PCDH9: variants seen among roughly 807,000 people sequenced by gnomAD.
PCDH9 encodes the protein protocadherin-9.
A neutral mutation model predicts 70.6 loss-of-function variants in PCDH9; 24 were observed. The ratio of observed to expected loss-of-function variants is 0.34; its 90% CI spans 0.25 to 0.48. The LOEUF (loss-of-function observed/expected upper bound fraction) is 0.48. PCDH9 is among the 20% of genes least tolerant of loss of function. The probability of loss-of-function intolerance (pLI) is 0.99; values close to 1 mark genes in which losing one functional copy is unlikely to be tolerated. For missense variants in PCDH9, 1,281 were observed against 1,503.6 expected (o/e 0.85, Z 2.45); for synonymous variants, 562 against 558.5 (o/e 1.01, Z -0.09).
chr13:66,469,174 G>A lies in PCDH9; in HGVS notation c.3340+162036C>T, dbSNP rs1356118205. Among the ~76,000 whole-genome samples the A allele has an allele frequency of 1.6e-4, 25 of 151,958 alleles. 1 individual carries two copies. Among genetic ancestry groups the A allele is most frequent in the Admixed American group, 9.2e-4 (14 of 15,238 alleles). On this transcript the variant is annotated intron_variant, in intron 4 of 4. Transcript: ENST00000377865. ...TTAAATCCAGCTAAAATTTTTCATC[G>A]TATTCCTTCAGAGCTGCTTATAAAT...
chr13:66,553,324 T>C (rs576603815), intron 4 of PCDH9, among the ~76,000 whole-genome samples: 6 of 152,184 alleles, frequency 3.9e-5, no homozygotes, highest in Non-Finnish European at 8.8e-5. Context: ...ACTTGTGGAA[T>C]GGATTATTGA....
intron 2 of PCDH9, among the ~76,000 whole-genome samples, chr13:67,168,953 A>G (rs1338712465): frequency 6.6e-6 from 1 of 152,220 alleles, no homozygotes; most frequent in Non-Finnish European, 1.5e-5. Flanking sequence ...ATGATTATGA[A>G]CAACCATTCC....
chr13:66,452,927 C>T (rs1378221802), intron 4 of PCDH9, among the ~76,000 whole-genome samples: 1 of 152,074 alleles, frequency 6.6e-6, no homozygotes, highest in African/African-American at 2.4e-5. Context: ...AGAATATGCT[C>T]ATCCATCTAT....
At chr13:66,480,766 T>C (rs189676481) in intron 4 of PCDH9, among the ~76,000 whole-genome samples, 4 of 152,242 alleles carry the variant, frequency 2.6e-5, no homozygotes, top group Admixed American at 6.5e-5. Context: ...TCCTCAAGGA[T>C]CTAGAACCAG....
chr13:66,643,409 T>G (rs1011281789), intron 3 of PCDH9, among the ~76,000 whole-genome samples: 1 of 152,044 alleles, frequency 6.6e-6, no homozygotes, highest in Non-Finnish European at 1.5e-5. Flanking sequence ...TTTTTTTTAA[T>G]CCACCTATTA....
chr13:67,064,923 G>A (rs1392520520), intron 2 of PCDH9, among the ~76,000 whole-genome samples: 2 of 151,700 alleles, frequency 1.3e-5, no homozygotes, highest in Non-Finnish European at 3.0e-5. Context: ...TAGATAGATA[G>A]ATAGATAGAT....
At chr13:66,953,456 C>T (rs1238588815) in intron 2 of PCDH9, among the ~76,000 whole-genome samples, 2 of 152,130 alleles carry the variant, frequency 1.3e-5, no homozygotes, top group Non-Finnish European at 2.9e-5. Context: ...TTAGTCATTG[C>T]AATATTTGTT....
At chr13:66,932,877 T>C (rs1181951367) in intron 2 of PCDH9, among the ~76,000 whole-genome samples, 2 of 151,076 alleles carry the variant, frequency 1.3e-5, no homozygotes, top group East Asian at 1.9e-4. Context: ...GTGCCAAAAA[T>C]GTACAAAGTA....
At chr13:67,156,204 C>T (rs559412834) in intron 2 of PCDH9, among the ~76,000 whole-genome samples, 54 of 152,192 alleles carry the variant, frequency 3.5e-4, no homozygotes, top group South Asian at 2.9e-3. Context: ...TGGCCCACCA[C>T]GGCCCCATCC....
intron 4 of PCDH9, among the ~76,000 whole-genome samples, chr13:66,331,823 G>A (rs1396885563): frequency 1.3e-5 from 2 of 152,272 alleles, no homozygotes; most frequent in East Asian, 3.9e-4. Context: ...AGAAAGCTAT[G>A]AGACTTTACC....
chr13:67,225,367 T>A, intron 2 of PCDH9, 38 bp downstream of exon 2: 2 of 1,590,870 alleles, frequency 1.3e-6, no homozygotes, highest in Non-Finnish European at 1.7e-6. Flanking sequence ...TGGGCACTTG[T>A]ATGCAGTACT....
At chr13:67,106,879 T>G (rs1180857384) in intron 2 of PCDH9, among the ~76,000 whole-genome samples, 1 of 152,188 alleles carries the variant, frequency 6.6e-6, no homozygotes. Flanking sequence ...GCCCTGTGTG[T>G]GGGCACTCAG....
At chr13:66,849,505 T>G (rs762480307) in intron 3 of PCDH9, among the ~76,000 whole-genome samples, 3,679 of 90,992 alleles carry the variant, frequency 0.04, 87 homozygotes, top group Non-Finnish European at 0.056. Context: ...TATATATATA[T>G]ATATATATAT....
intron 2 of PCDH9, chr13:67,209,951 G>A (rs2089435775): frequency 6.6e-6 from 1 of 151,980 alleles, no homozygotes; most frequent in Non-Finnish European, 1.5e-5. Flanking sequence ...GGCACCATTT[G>A]ATTAAATTTG....
intron 2 of PCDH9, among the ~76,000 whole-genome samples, chr13:67,076,690 T>A (rs886364140): frequency 2.6e-5 from 4 of 152,132 alleles, no homozygotes; most frequent in South Asian, 2.1e-4. Context: ...GTAATTTCTA[T>A]GAAAACTATT....
intron 3 of PCDH9, among the ~76,000 whole-genome samples, chr13:66,862,397 A>C (rs925863140): frequency 6.6e-6 from 1 of 152,172 alleles, no homozygotes; most frequent in Non-Finnish European, 1.5e-5. Context: ...TTCAGAATCG[A>C]GAAATTGAGA....
At chr13:66,483,092 G>A (rs1397487427) in intron 4 of PCDH9, among the ~76,000 whole-genome samples, 1 of 152,106 alleles carries the variant, frequency 6.6e-6, no homozygotes, top group Non-Finnish European at 1.5e-5. Context: ...AATATTCTTT[G>A]TGACTCATGT....
intron 3 of PCDH9, among the ~76,000 whole-genome samples, chr13:66,798,123 A>AT (rs1362050942): frequency 6.6e-6 from 1 of 152,012 alleles, no homozygotes; most frequent in Non-Finnish European, 1.5e-5. Context: ...AAAGTCAGTC[A>AT]TTTTTTCTTG....
At chr13:67,030,370 C>A (rs1194106543) in intron 2 of PCDH9, among the ~76,000 whole-genome samples, 1 of 152,072 alleles carries the variant, frequency 6.6e-6, no homozygotes, top group African/African-American at 2.4e-5. Flanking sequence ...TCCCCTCTGT[C>A]CTGCTCTTCA....
Sources: gnomAD v4.1 joint callset for allele counts (sites outside exome capture counted in the v4.1 genomes callset) on GRCh38, gnomAD v4.1.1 for gene constraint, MANE v1.5 for transcripts, NCBI Gene and HGNC (gene_info 2026-07-23, HGNC 2026-07-21) for gene names.